DAB1: variants seen among roughly 807,000 people sequenced by gnomAD.
DAB1 encodes the protein DAB adaptor protein 1.
In DAB1, 15 loss-of-function variants were observed where a neutral mutation model predicts 64.6. The observed-to-expected ratio is 0.23, with a 90% CI of 0.16 to 0.36. The LOEUF is 0.36. DAB1 is among the 10% of genes least tolerant of loss of function. The pLI, the probability that DAB1 is intolerant of heterozygous loss-of-function variation, is 1.00. For missense variants in DAB1, 596 were observed against 706.7 expected (o/e 0.84, Z 1.78); for synonymous variants, 235 against 251.9 (o/e 0.93, Z 0.64).
chr1:57,191,293 G>A (rs78739075), intron 2 of DAB1, among the ~76,000 whole-genome samples: 4,536 of 152,220 alleles, frequency 0.03, 252 homozygotes, highest in African/African-American at 0.1. Flanking sequence ...GCCCACACCT[G>A]AGAGGCCTCA....
At position 57,318,541 on chromosome 1, in the gene DAB1, C is replaced by G. The variant is rs183716441; in HGVS notation, c.-136-27375G>C. Among the ~76,000 whole-genome samples, 361 of 152,152 alleles carry G rather than the reference C, an allele frequency of 2.4e-3. 2 individuals are homozygous for G. The highest frequency in any genetic ancestry group is 0.017 in the Middle Eastern group (5 of 294). On this transcript the variant is annotated intron_variant, in intron 1 of 14. Transcript: ENST00000371236. ...AAAAGCTACCTCCTCTGTGTGCACT[C>G]GCTAGTTCCCTGCTGCCTTGTAAAG...
chr1:58,083,528 T>C (rs766560894), intron 5 of DAB1, among the ~76,000 whole-genome samples: 4 of 152,126 alleles, frequency 2.6e-5, no homozygotes, highest in Non-Finnish European at 5.9e-5. Context: ...CAGGACAGAG[T>C]CTGTTTAACT....
intron 7 of DAB1, among the ~76,000 whole-genome samples, chr1:57,607,355 G>T (rs1348578889): frequency 6.6e-6 from 1 of 151,976 alleles, no homozygotes; most frequent in Non-Finnish European, 1.5e-5. Context: ...CATCTTTTTT[G>T]TGCAAACATT....
intron 5 of DAB1, among the ~76,000 whole-genome samples, chr1:57,943,936 G>A (rs760606167): frequency 6.6e-6 from 1 of 152,136 alleles, no homozygotes; most frequent in Non-Finnish European, 1.5e-5. Context: ...ACTCCTGCCT[G>A]AGAAGAGGGA....
intron 3 of DAB1, among the ~76,000 whole-genome samples, chr1:58,356,894 G>A (rs1354798870): frequency 6.6e-6 from 1 of 151,812 alleles, no homozygotes. Flanking sequence ...GAATGGTGGT[G>A]CATGCCTGTA....
intron 3 of DAB1, among the ~76,000 whole-genome samples, chr1:58,344,397 C>T (rs960232012): frequency 1.3e-5 from 2 of 152,048 alleles, no homozygotes; most frequent in Non-Finnish European, 2.9e-5. Context: ...TGAACTGTGC[C>T]AGGGACATAA....
At chr1:58,527,203 A>T in intron 2 of DAB1, 1 of 837,556 alleles carries the variant, frequency 1.2e-6, no homozygotes, top group Non-Finnish European at 2.1e-6. Flanking sequence ...AAAATAACAC[A>T]CGTTTATCTT....
chr1:57,285,350 C>G (rs1338816649), intron 2 of DAB1, among the ~76,000 whole-genome samples: 1 of 152,142 alleles, frequency 6.6e-6, no homozygotes, highest in Non-Finnish European at 1.5e-5. Flanking sequence ...CTCACTGCAA[C>G]CTCTGCCTCC....
intron 6 of DAB1, among the ~76,000 whole-genome samples, chr1:57,770,730 G>A (rs1535768): frequency 1.2e-4 from 18 of 152,036 alleles, no homozygotes; most frequent in South Asian, 4.1e-4. Context: ...TAATTAATTC[G>A]TTCAGAGATG....
At chr1:57,806,033 G>A (rs1196264588) in intron 6 of DAB1, among the ~76,000 whole-genome samples, 2 of 152,142 alleles carry the variant, frequency 1.3e-5, no homozygotes, top group African/African-American at 4.8e-5. Context: ...TGTCATTCCT[G>A]TGCCTCAATA....
intron 11 of DAB1, among the ~76,000 whole-genome samples, chr1:57,017,137 C>T (rs1646460832): frequency 1.3e-5 from 2 of 152,148 alleles, no homozygotes; most frequent in Admixed American, 1.3e-4. Flanking sequence ...CTGCAGGAAA[C>T]TCCCATGTGC....
At chr1:58,424,165 C>T (rs916090628) in intron 3 of DAB1, among the ~76,000 whole-genome samples, 25 of 152,136 alleles carry the variant, frequency 1.6e-4, no homozygotes, top group African/African-American at 5.1e-4. Flanking sequence ...CTACCATTTT[C>T]GTTCAAGTCC....
In DAB1 at chr1:57,238,860, T is replaced by TACACAC. The variant is rs1281270538; in HGVS notation, c.67+52098_67+52103dup. Among the ~76,000 whole-genome samples the TACACAC allele has an allele frequency of 4.9e-3, 658 of 134,008 alleles. 2 individuals are homozygous for TACACAC. Among genetic ancestry groups the TACACAC allele is most frequent in the African/African-American group, 8.7e-3 (310 of 35,596 alleles). 87.9% of individuals were successfully genotyped at this position (134,008 alleles called of 152,430 possible). A position where few individuals can be genotyped will look rare whatever the true frequency, so the allele number is the denominator to read the frequency against. On this transcript the variant is annotated intron_variant, in intron 2 of 14. Coordinates refer to ENST00000371236, the MANE Select transcript of DAB1 (RefSeq NM_001365792.1). Reference sequence around the variant, plus strand: ...ACATGCGCACACACACACACACACATACACACACACACACACACACACACA... The same window carrying TACACAC: ...ACATGCGCACACACACACACACACATACACACACACACACACACACACACACACACA...
In DAB1 at chr1:57,781,110, CTCTCTCTCTCTCTCTCTATATATATATA is replaced by C. The variant is rs1264586909; in HGVS notation, n.551+102861_551+102888del. Among the ~76,000 whole-genome samples, 14 of 61,754 alleles carry C rather than the reference CTCTCTCTCTCTCTCTCTATATATATATA, an allele frequency of 2.3e-4. No individual in the cohort carries two copies. In the East Asian group the frequency reaches 3.7e-3, roughly 16 times the overall value. The allele number at this position is 61,754 out of a possible 152,430, so 40.5% of individuals were successfully genotyped here. ...ATTCTCTCTCTCTCTCTCTCTCTCTCTCTCTCTCTCTCTCTCTATATATATATATATATATATATATATATATATATAT... is the reference window on the plus strand; with the variant it reads ...ATTCTCTCTCTCTCTCTCTCTCTCTCTATATATATATATATATATATATAT... On this transcript the variant is annotated intron_variant and non_coding_transcript_variant, in intron 6 of 20. Coordinates refer to the DAB1 transcript ENST00000485760.
intron 4 of DAB1, among the ~76,000 whole-genome samples, chr1:57,135,661 T>C (rs1439162379): frequency 6.6e-6 from 1 of 152,152 alleles, no homozygotes; most frequent in East Asian, 1.9e-4. Flanking sequence ...TAAACTACCA[T>C]CTTACTACCC....
intron 1 of DAB1, among the ~76,000 whole-genome samples, chr1:57,393,294 A>C (rs566802): frequency 6.6e-6 from 1 of 152,186 alleles, no homozygotes; most frequent in Admixed American, 6.5e-5. Flanking sequence ...ACTGCCAGTG[A>C]TTCATTAAAA....
intron 4 of DAB1, among the ~76,000 whole-genome samples, chr1:58,317,352 C>G (rs1402509330): frequency 6.6e-6 from 1 of 152,234 alleles, no homozygotes; most frequent in African/African-American, 2.4e-5. Flanking sequence ...AGATCTCACT[C>G]TCATGACTGC....
At chr1:57,727,088 C>T (rs2101767207) in intron 6 of DAB1, among the ~76,000 whole-genome samples, 1 of 152,318 alleles carries the variant, frequency 6.6e-6, no homozygotes, top group East Asian at 1.9e-4. Flanking sequence ...ACCAGCGAGT[C>T]AGAGACCATT....
chr1:58,407,027 T>C (rs1644623233), intron 3 of DAB1, among the ~76,000 whole-genome samples: 1 of 152,206 alleles, frequency 6.6e-6, no homozygotes, highest in Admixed American at 6.5e-5. Context: ...ATGTGACATT[T>C]TGAACTGTTA....
Sources: allele counts gnomAD v4.1 joint callset (sites outside exome capture counted in the v4.1 genomes callset), GRCh38; gene constraint gnomAD v4.1.1; transcripts MANE v1.5; gene names NCBI Gene and HGNC (gene_info 2026-07-23, HGNC 2026-07-21).